Variants in PRKCB observed in about 807,000 individuals in gnomAD.
PRKCB encodes the protein protein kinase C beta type.
In PRKCB, 13 loss-of-function variants were observed where a neutral mutation model predicts 81.5. That is an observed-to-expected ratio of 0.16 (90% CI 0.10 to 0.25). The LOEUF (loss-of-function observed/expected upper bound fraction) is 0.25. Among genes scored for constraint, PRKCB ranks in the 10% least tolerant of loss-of-function variants. The pLI, the probability that PRKCB is intolerant of heterozygous loss-of-function variation, is 1.00. For missense variants in PRKCB, 509 were observed against 875.7 expected (o/e 0.58, Z 5.29); for synonymous variants, 335 against 321.4 (o/e 1.04, Z -0.45).
intron 2 of PRKCB, among the ~76,000 whole-genome samples, chr16:23,943,956 G>A (rs1049163458): frequency 1.3e-5 from 2 of 152,200 alleles, no homozygotes; most frequent in Non-Finnish European, 2.9e-5. Context: ...CTGGCATTTT[G>A]TAGAGAGGTA....
At chr16:24,106,829 A>G (rs769636653) in intron 7 of PRKCB, among the ~76,000 whole-genome samples, 9 of 152,184 alleles carry the variant, frequency 5.9e-5, no homozygotes, top group African/African-American at 9.7e-5. Context: ...ATATATGACT[A>G]TGTCCTTTTG....
intron 2 of PRKCB, among the ~76,000 whole-genome samples, chr16:23,911,179 G>A (rs1022543488): frequency 2.2e-4 from 26 of 120,098 alleles, no homozygotes; most frequent in African/African-American, 4.4e-4. Flanking sequence ...AGGCTGGAGC[G>A]CAGTGGCACA....
Position 24,061,929 on chromosome 16 carries a change from A to AAC in PRKCB, c.529+26383_529+26384insCA, listed in dbSNP as rs1230891675. Among the ~76,000 whole-genome samples the AAC allele has an allele frequency of 1.8e-4, 27 of 150,490 alleles. No individual in the cohort carries two copies. The East Asian group carries it at 4.3e-3, about 24-fold the overall frequency. Reference sequence around the variant, plus strand: ...AATAAATAAAAAAAAAAAAAAAAAAAAAAACTTGAGGCCTGCTGGACTTTG... The same window carrying AAC: ...AATAAATAAAAAAAAAAAAAAAAAAAACAAAACTTGAGGCCTGCTGGACTTTG... On this transcript the variant is annotated intron_variant, in intron 5 of 16. Transcript: ENST00000643927.
At chr16:24,198,624 C>T (rs1442326276) in intron 16 of PRKCB, among the ~76,000 whole-genome samples, 2 of 152,210 alleles carry the variant, frequency 1.3e-5, no homozygotes, top group African/African-American at 4.8e-5. Context: ...CAGGCGTGAG[C>T]CACTGTGCCT....
At chr16:23,838,073 T>A (rs1962199852) in intron 2 of PRKCB, among the ~76,000 whole-genome samples, 1 of 152,106 alleles carries the variant, frequency 6.6e-6, no homozygotes, top group Non-Finnish European at 1.5e-5. Flanking sequence ...TGGTGGTGAG[T>A]TGATCACGTG....
chr16:24,008,626 A>G (rs1240726475), intron 3 of PRKCB, among the ~76,000 whole-genome samples: 2 of 152,186 alleles, frequency 1.3e-5, no homozygotes, highest in African/African-American at 4.8e-5. Context: ...CCATCAAAAT[A>G]ACCACTACCA....
intron 2 of PRKCB, among the ~76,000 whole-genome samples, chr16:23,847,434 GTCCATCCATCCATCCATCCA>G (rs770795499): frequency 4.4e-5 from 3 of 68,618 alleles, no homozygotes; most frequent in African/African-American, 6.9e-5. Context: ...CCATCCGTCT[GTCCATCCATCCATCCATCCA>G]TCCATCCATC....
At position 23,836,069 on chromosome 16, in the gene PRKCB, C is replaced by G; in HGVS notation, c.-107C>G. The G allele has an allele frequency of 1.2e-6, 1 of 840,178 alleles. No individual in the cohort carries two copies. Among genetic ancestry groups the G allele is most frequent in the Non-Finnish European group, 1.4e-6 (1 of 697,744 alleles). The allele number at this position is 840,178 out of a possible 1,614,324, so 52.0% of individuals were successfully genotyped here. A position where few individuals can be genotyped will look rare whatever the true frequency, so the allele number is the denominator to read the frequency against. ...CCGGCGCAGGGGAAGCGCCCGCGGC[C>G]CCGGGTGCAGCAGCGGCCGCCGCCT... On this transcript the variant is annotated 5_prime_UTR_variant, in exon 1 of 17. Coordinates refer to ENST00000643927, the MANE Select transcript of PRKCB (RefSeq NM_002738.7).
intron 2 of PRKCB, among the ~76,000 whole-genome samples, chr16:23,929,862 T>C (rs1045399305): frequency 6.6e-6 from 1 of 151,936 alleles, no homozygotes; most frequent in African/African-American, 2.4e-5. Context: ...CTCTGCAAAG[T>C]AGAAGGAGAA....
chr16:24,141,748 T>A (rs1362335551), intron 9 of PRKCB, among the ~76,000 whole-genome samples: 1 of 152,166 alleles, frequency 6.6e-6, no homozygotes. Context: ...ACAGAGCATG[T>A]GGATTACCCA....
At position 24,219,340 on chromosome 16, in the gene PRKCB, C is replaced by T; in HGVS notation, c.*4524C>T. ...CTCTCTTATAGTTTGTTGACACATG[C>T]TAAAAATGTCTTTGGAGAGAACTTC... On this transcript the variant is annotated 3_prime_UTR_variant, in exon 17 of 17. Transcript: ENST00000643927. The T allele has an allele frequency of 1.0e-6, 1 of 955,386 alleles. No homozygotes were observed. Among genetic ancestry groups the T allele is most frequent in the Non-Finnish European group, 1.2e-6 (1 of 809,620 alleles). The allele number at this position is 955,386 out of a possible 1,614,324, so 59.2% of individuals were successfully genotyped here.
chr16:24,130,984 CTT>C (rs2141935374), intron 9 of PRKCB, among the ~76,000 whole-genome samples: 1 of 152,262 alleles, frequency 6.6e-6, no homozygotes, highest in African/African-American at 2.4e-5. Flanking sequence ...CTTTAGAGCT[CTT>C]GATGTATCAC....
intron 9 of PRKCB, among the ~76,000 whole-genome samples, chr16:24,134,221 C>A (rs1567387193): frequency 6.6e-6 from 1 of 152,104 alleles, no homozygotes; most frequent in Non-Finnish European, 1.5e-5. Flanking sequence ...TTTCCTCTTC[C>A]TTTTTTCCTT....
chr16:23,843,244 A>G (rs889210396), intron 2 of PRKCB, among the ~76,000 whole-genome samples: 5 of 151,990 alleles, frequency 3.3e-5, no homozygotes, highest in Non-Finnish European at 7.4e-5. Flanking sequence ...CCATTTTTTC[A>G]AAAAATCACC....
intron 5 of PRKCB, among the ~76,000 whole-genome samples, chr16:24,036,983 G>A (rs1965630283): frequency 6.6e-6 from 1 of 152,114 alleles, no homozygotes; most frequent in African/African-American, 2.4e-5. Flanking sequence ...TCACAACATT[G>A]TGAAATCTCT....
At chr16:24,002,563 TCCTGA>T (rs374072914) in intron 3 of PRKCB, among the ~76,000 whole-genome samples, 188 of 152,198 alleles carry the variant, frequency 1.2e-3, no homozygotes, top group African/African-American at 4.3e-3. Flanking sequence ...GGTTTTGAAC[TCCTGA>T]CCTCAAGCGT....
intron 2 of PRKCB, among the ~76,000 whole-genome samples, chr16:23,918,060 G>C (rs1184960896): frequency 6.6e-6 from 1 of 152,202 alleles, no homozygotes; most frequent in Non-Finnish European, 1.5e-5. Context: ...GGGTTTATCA[G>C]CAAGAACAGC....
chr16:24,035,672 G>A, intron 5 of PRKCB, 125 bp downstream of exon 5: 1 of 1,073,938 alleles, frequency 9.3e-7, no homozygotes, highest in South Asian at 1.6e-5. Flanking sequence ...CGGGGAGGGG[G>A]TGTGGCACTG....
chr16:23,934,885 T>C (rs1016350822), intron 2 of PRKCB, among the ~76,000 whole-genome samples: 22 of 152,144 alleles, frequency 1.4e-4, no homozygotes, highest in African/African-American at 5.1e-4. Flanking sequence ...GGAAGAACCA[T>C]ATTTGATTTC....
Sources: allele counts gnomAD v4.1 joint callset (sites outside exome capture counted in the v4.1 genomes callset), GRCh38; gene constraint gnomAD v4.1.1; transcripts MANE v1.5; gene names NCBI Gene and HGNC (gene_info 2026-07-23, HGNC 2026-07-21).